PAK5: variants seen among roughly 807,000 people sequenced by gnomAD.
PAK5 encodes p21 (RAC1) activated kinase 5, also known as serine/threonine-protein kinase PAK 5.
Under a neutral mutation model 65.9 loss-of-function variants are expected in PAK5, and 16 were observed. The observed-to-expected ratio is 0.24, with a 90% confidence interval of 0.16 to 0.37. The LOEUF is 0.37. PAK5 is among the 10% of genes least tolerant of loss of function. The pLI is 1.00. For missense variants in PAK5, 785 were observed against 903.9 expected, an observed-to-expected ratio of 0.87 and a Z score of 1.69; for synonymous variants, 371 against 354.9, an observed-to-expected ratio of 1.05 and a Z score of -0.51.
chr20:9,546,332 C>A (rs966663292), intron 7 of PAK5, among the ~76,000 whole-genome samples: 1 of 152,168 alleles, frequency 6.6e-6, no homozygotes, highest in Non-Finnish European at 1.5e-5. Flanking sequence ...CAGCAGTACA[C>A]CTCACTCCTA....
intron 2 of PAK5, among the ~76,000 whole-genome samples, chr20:9,705,967 C>T (rs2123474331): frequency 6.6e-6 from 1 of 152,280 alleles, no homozygotes; most frequent in African/African-American, 2.4e-5. Context: ...GAGCTCCACA[C>T]TTGCAACACA....
At chr20:9,661,822 A>T (rs981481062) in intron 2 of PAK5, among the ~76,000 whole-genome samples, 9 of 152,098 alleles carry the variant, frequency 5.9e-5, no homozygotes, top group Non-Finnish European at 1.0e-4. Flanking sequence ...AATCTTCCTC[A>T]CGTCAGTGAT....
At chr20:9,574,442 A>G (rs945500490) in intron 4 of PAK5, among the ~76,000 whole-genome samples, 1 of 152,192 alleles carries the variant, frequency 6.6e-6, no homozygotes, top group Non-Finnish European at 1.5e-5. Context: ...GACAGAGCAG[A>G]TTGGTCTGAC....
intron 1 of PAK5, among the ~76,000 whole-genome samples, chr20:9,764,178 A>G (rs532642776): frequency 1.8e-4 from 27 of 152,302 alleles, no homozygotes; most frequent in African/African-American, 5.1e-4. Flanking sequence ...CCTTTCATCA[A>G]GGACACTGTG....
intron 2 of PAK5, among the ~76,000 whole-genome samples, chr20:9,648,308 T>A (rs2047159910): frequency 6.6e-6 from 1 of 152,202 alleles, no homozygotes; most frequent in Non-Finnish European, 1.5e-5. Flanking sequence ...TTGTGGTTAA[T>A]TCCCCCAGGA....
intron 2 of PAK5, among the ~76,000 whole-genome samples, chr20:9,710,587 T>G (rs2048065949): frequency 1.3e-5 from 2 of 152,158 alleles, no homozygotes; most frequent in Non-Finnish European, 2.9e-5. Context: ...ATCTTTTATG[T>G]GGGTAAGAGC....
intron 1 of PAK5, among the ~76,000 whole-genome samples, chr20:9,806,820 T>C (rs1445094138): frequency 2.6e-5 from 4 of 152,204 alleles, no homozygotes; most frequent in Non-Finnish European, 4.4e-5. Context: ...AACTTATGAC[T>C]TAAGACAACA....
chr20:9,780,485 T>C (rs1299555336), intron 1 of PAK5, among the ~76,000 whole-genome samples: 1 of 152,104 alleles, frequency 6.6e-6, no homozygotes, highest in Non-Finnish European at 1.5e-5. Flanking sequence ...TGCTGAGATG[T>C]TTATACCATG....
chr20:9,652,180 T>C (rs2047211140), intron 2 of PAK5, among the ~76,000 whole-genome samples: 1 of 152,194 alleles, frequency 6.6e-6, no homozygotes, highest in Non-Finnish European at 1.5e-5. Context: ...GTCCTTCACT[T>C]ACGGGAGAAA....
chr20:9,736,538 C>A (rs2048391443), intron 1 of PAK5, among the ~76,000 whole-genome samples: 1 of 152,066 alleles, frequency 6.6e-6, no homozygotes, highest in South Asian at 2.1e-4. Context: ...TAAGAGGAAG[C>A]TCAGAGGCAT....
intron 2 of PAK5, among the ~76,000 whole-genome samples, chr20:9,650,947 C>G (rs529150491): frequency 3.9e-4 from 60 of 152,282 alleles, no homozygotes; most frequent in African/African-American, 1.4e-3. Flanking sequence ...GGGCATAAAG[C>G]TTGAGGTGTT....
chr20:9,774,640 T>C (rs2048867832), intron 1 of PAK5, among the ~76,000 whole-genome samples: 1 of 152,080 alleles, frequency 6.6e-6, no homozygotes, highest in African/African-American at 2.4e-5. Context: ...AACTCTGATA[T>C]AGTCATACAT....
At chr20:9,558,039 T>TTCATTC (rs1568961863) in intron 6 of PAK5, among the ~76,000 whole-genome samples, 27 of 76,742 alleles carry the variant, frequency 3.5e-4, no homozygotes, top group African/African-American at 2.6e-3. Flanking sequence ...TTTATTTATT[T>TTCATTC]ATTTATTCAT....
intron 2 of PAK5, among the ~76,000 whole-genome samples, chr20:9,662,929 T>C (rs564265896): frequency 9.8e-5 from 15 of 152,324 alleles, no homozygotes; most frequent in Admixed American, 3.3e-4. Context: ...CCTCTGGCTT[T>C]TAATATATGT....
In PAK5 at chr20:9,566,204, T is replaced by C. The variant is rs757070543; in HGVS notation, c.1171A>G (p.Ser391Gly). The C allele has an allele frequency of 6.2e-6, 10 of 1,613,778 alleles. No homozygotes were observed. The highest frequency in any genetic ancestry group is 6.8e-6 in the Non-Finnish European group (8 of 1,179,942). ...GAAGCCGTGGAGATGTACTGCGAAC[T>C]GCTCTGCAGGGAGGGGTGATGGTAC... is the stretch of plus-strand genomic sequence containing the variant. ...TLYHHPSLQS[S>G]SQYISTASYL... The change falls in exon 5 of 10, where the codon AGT becomes GGT. Residue 391 changes from serine (S) to glycine (G), a missense_variant. Ser to Gly is a moderately conservative substitution (Grantham distance 56). This residue lies in a region of PAK5 where 422 missense variants were observed against 413.3 expected (regional missense o/e 1.02). Coordinates refer to ENST00000353224, the MANE Select transcript of PAK5 (RefSeq NM_177990.4).
At chr20:9,627,201 C>T (rs989465162) in intron 3 of PAK5, among the ~76,000 whole-genome samples, 9 of 152,238 alleles carry the variant, frequency 5.9e-5, no homozygotes, top group African/African-American at 2.2e-4. Context: ...CAGCTTTCTG[C>T]TCTAAGCTAA....
intron 9 of PAK5, among the ~76,000 whole-genome samples, chr20:9,540,065 A>T (rs1018808908): frequency 2.6e-5 from 4 of 151,918 alleles, no homozygotes; most frequent in Non-Finnish European, 5.9e-5. Context: ...AACACATCTC[A>T]TTTTTTTCTT....
chr20:9,631,119 T>G (rs1167058471), intron 3 of PAK5, among the ~76,000 whole-genome samples: 2 of 152,176 alleles, frequency 1.3e-5, no homozygotes, highest in Non-Finnish European at 2.9e-5. Flanking sequence ...TGGGCTGGGA[T>G]GAATGTATTT....
At chr20:9,622,594 G>A (rs2046785676) in intron 3 of PAK5, among the ~76,000 whole-genome samples, 1 of 152,240 alleles carries the variant, frequency 6.6e-6, no homozygotes, top group African/African-American at 2.4e-5. Context: ...AGGGAGCACA[G>A]CAGGAGGTGA....
Sources: gnomAD v4.1 joint callset for allele counts (sites outside exome capture counted in the v4.1 genomes callset) on GRCh38, gnomAD v4.1.1 for gene constraint, gnomAD v4.1.1 regional missense constraint, MANE v1.5 for transcripts, NCBI Gene and HGNC (gene_info 2026-07-23, HGNC 2026-07-21) for gene names.